ARIH1: variants seen among roughly 807,000 people sequenced by gnomAD.
ARIH1 encodes ariadne RBR E3 ubiquitin protein ligase 1, also known as E3 ubiquitin-protein ligase ARIH1.
Under a neutral mutation model 85.0 loss-of-function variants are expected in ARIH1, and 8 were observed. The observed-to-expected ratio is 0.09, with a 90% CI of 0.06 to 0.17. The LOEUF is 0.17. Among genes scored for constraint, ARIH1 ranks in the 10% least tolerant of loss-of-function variants. The probability of loss-of-function intolerance (pLI) is 1.00; values close to 1 mark genes in which losing one functional copy is unlikely to be tolerated. For synonymous variants in ARIH1, 238 were observed against 253.6 expected (o/e 0.94, Z 0.59); for missense variants, 311 against 718.1 (o/e 0.43, Z 6.48).
rs1023469547 is a variant in ARIH1, at chr15:72,589,777, G to A, written c.*6485G>A. 6.6e-6 allele frequency: 1 copy of A among 152,226 alleles called. No homozygotes were observed. Among genetic ancestry groups the A allele is most frequent in the East Asian group, 1.9e-4 (1 of 5,186 alleles). 9.4% of individuals were successfully genotyped at this position (152,226 alleles called of 1,614,324 possible). ...ATGAATTGGTATATGGTAGATACTC[G>A]TGGCTACTTAGTATTTACCAAATGC... is the stretch of plus-strand genomic sequence containing the variant. On this transcript the variant is annotated 3_prime_UTR_variant, in exon 14 of 14. Coordinates refer to ENST00000379887, the MANE Select transcript of ARIH1 (RefSeq NM_005744.5).
At chr15:72,475,128 T>TC in intron 1 of ARIH1, 114 bp downstream of exon 1, 1 of 1,446,204 alleles carries the variant, frequency 6.9e-7, no homozygotes, top group Non-Finnish European at 9.2e-7. Context: ...GCCCGGTGCC[T>TC]CCCGGCCTTG....
intron 1 of ARIH1, among the ~76,000 whole-genome samples, chr15:72,498,761 A>AGGTGGCGCTT (rs1403156834): frequency 5.2e-4 from 79 of 151,602 alleles, no homozygotes; most frequent in African/African-American, 1.8e-3. Flanking sequence ...AATGGCTTGA[A>AGGTGGCGCTT]CCCAGGAGGC....
At chr15:72,492,662 C>T (rs1490750917) in intron 1 of ARIH1, among the ~76,000 whole-genome samples, 2 of 152,116 alleles carry the variant, frequency 1.3e-5, no homozygotes, top group Non-Finnish European at 2.9e-5. Flanking sequence ...GTAGTAATTA[C>T]ATTTCATTGG....
intron 1 of ARIH1, among the ~76,000 whole-genome samples, chr15:72,487,685 T>C (rs1468074255): frequency 6.6e-6 from 1 of 152,180 alleles, no homozygotes; most frequent in Non-Finnish European, 1.5e-5. Flanking sequence ...ATTTGTTTCA[T>C]GTTGTTGCTA....
At chr15:72,574,899 CCCG>C (rs1164365747) in intron 11 of ARIH1, among the ~76,000 whole-genome samples, 8 of 125,540 alleles carry the variant, frequency 6.4e-5, no homozygotes, top group Admixed American at 1.8e-4. Context: ...GTAAGACCCC[CCCG>C]CCGCCCCCGC....
intron 6 of ARIH1, 81 bp from the exon 7 acceptor site, chr15:72,563,313 C>A (rs2064204997): frequency 1.6e-6 from 2 of 1,238,308 alleles, no homozygotes; most frequent in Non-Finnish European, 2.4e-6. Flanking sequence ...CCCGCCTTGG[C>A]CTCCCTAAGT....
intron 10 of ARIH1, among the ~76,000 whole-genome samples, chr15:72,571,394 G>A (rs907166925): frequency 6.6e-6 from 1 of 152,142 alleles, no homozygotes; most frequent in East Asian, 1.9e-4. Flanking sequence ...CAAGTGCATG[G>A]TATATAGTAA....
At chr15:72,507,163 T>C (rs1167362582) in intron 1 of ARIH1, among the ~76,000 whole-genome samples, 1 of 152,064 alleles carries the variant, frequency 6.6e-6, no homozygotes, top group Non-Finnish European at 1.5e-5. Context: ...GCTAGGACTA[T>C]AGGCGCACAC....
At chr15:72,481,442 G>T (rs1159823008) in intron 1 of ARIH1, among the ~76,000 whole-genome samples, 1 of 152,202 alleles carries the variant, frequency 6.6e-6, no homozygotes, top group Non-Finnish European at 1.5e-5. Context: ...AGTCACGGTG[G>T]CTCACACCTG....
At chr15:72,552,048 A>T (rs78272822) in intron 3 of ARIH1, among the ~76,000 whole-genome samples, 231 of 152,236 alleles carry the variant, frequency 1.5e-3, no homozygotes, top group African/African-American at 5.4e-3. Context: ...TTTGCAGGGG[A>T]GCCTGATGAT....
At chr15:72,504,050 C>CTTTA (rs993945381) in intron 1 of ARIH1, among the ~76,000 whole-genome samples, 5 of 152,114 alleles carry the variant, frequency 3.3e-5, no homozygotes, top group African/African-American at 4.8e-5. Context: ...GTGTGATAGC[C>CTTTA]TTTATTTATT....
At chr15:72,500,481 T>C (rs78288762) in intron 1 of ARIH1, among the ~76,000 whole-genome samples, 1 of 152,222 alleles carries the variant, frequency 6.6e-6, no homozygotes, top group Admixed American at 6.5e-5. Context: ...GGATCTTCAG[T>C]GGACCCTTTC....
intron 11 of ARIH1, among the ~76,000 whole-genome samples, chr15:72,577,250 G>T (rs948288119): frequency 3.3e-5 from 5 of 151,990 alleles, no homozygotes; most frequent in African/African-American, 1.2e-4. Flanking sequence ...CTCCCATAAT[G>T]CTGGGATTAC....
intron 2 of ARIH1, among the ~76,000 whole-genome samples, chr15:72,541,608 G>A (rs1198062472): frequency 6.6e-6 from 1 of 152,076 alleles, no homozygotes; most frequent in Non-Finnish European, 1.5e-5. Flanking sequence ...GAATGATAAA[G>A]GGATCTTTGT....
intron 1 of ARIH1, among the ~76,000 whole-genome samples, chr15:72,500,974 A>G (rs527758427): frequency 1.3e-5 from 2 of 152,362 alleles, no homozygotes; most frequent in East Asian, 3.9e-4. Context: ...TCTTTAAAAT[A>G]TCGTCAGGAA....
intron 1 of ARIH1, among the ~76,000 whole-genome samples, chr15:72,479,606 A>C (rs1420273779): frequency 6.6e-6 from 1 of 152,004 alleles, no homozygotes; most frequent in East Asian, 1.9e-4. Flanking sequence ...ACTGGGTTTC[A>C]CCATGTTGGT....
intron 2 of ARIH1, among the ~76,000 whole-genome samples, chr15:72,521,087 C>G (rs2063997520): frequency 6.6e-6 from 1 of 151,670 alleles, no homozygotes; most frequent in South Asian, 2.1e-4. Flanking sequence ...CCAAGCAACC[C>G]TTTCACCTTG....
chr15:72,548,490 A>G (rs1302574647), intron 3 of ARIH1, among the ~76,000 whole-genome samples: 1 of 152,210 alleles, frequency 6.6e-6, no homozygotes, highest in Non-Finnish European at 1.5e-5. Context: ...ATGTAATGAA[A>G]TTACTCTTTT....
chr15:72,583,186 T>A (rs758470098), intron 13 of ARIH1, 22 bp from the exon 14 acceptor site: 2 of 1,576,660 alleles, frequency 1.3e-6, no homozygotes, highest in Non-Finnish European at 1.7e-6. Flanking sequence ...ACAAGTTTTT[T>A]TTTTTTTCTC....
Sources: allele counts gnomAD v4.1 joint callset (sites outside exome capture counted in the v4.1 genomes callset), GRCh38; gene constraint gnomAD v4.1.1; transcripts MANE v1.5; gene names NCBI Gene and HGNC (gene_info 2026-07-23, HGNC 2026-07-21).